ARHGAP27: variants seen among roughly 807,000 people sequenced by gnomAD.
ARHGAP27 encodes Rho GTPase activating protein 27, also known as rho GTPase-activating protein 27.
Under a neutral mutation model 102.0 loss-of-function variants are expected in ARHGAP27, and 53 were observed. That is an observed-to-expected ratio of 0.52 (90% CI 0.42 to 0.65). The LOEUF (loss-of-function observed/expected upper bound fraction) is 0.65, where lower values mean the gene tolerates loss of function less well. Ranked by LOEUF, ARHGAP27 falls within the 30% of genes least tolerant of loss-of-function variation. The pLI, the probability that ARHGAP27 is intolerant of heterozygous loss-of-function variation, is 0.00. For missense variants in ARHGAP27, 1,117 were observed against 1,256.2 expected (o/e 0.89, Z 1.68); for synonymous variants, 525 against 542.8 (o/e 0.97, Z 0.46).
chr17:45,397,658 G>A (rs1230779213), intron 13 of ARHGAP27: 5 of 371,168 alleles, frequency 1.3e-5, no homozygotes, highest in African/African-American at 4.1e-5. Context: ...GCCATTGGTT[G>A]GCTTGCAGAG....
chr17:45,403,746 A>G, intron 10 of ARHGAP27, 37 bp from the exon 11 acceptor site: 3 of 1,575,262 alleles, frequency 1.9e-6, no homozygotes, highest in Non-Finnish European at 2.6e-6. Context: ...GGCAGGACTT[A>G]GATTTGGTCC....
rs1354840238 is a variant in ARHGAP27, at chr17:45,396,717, G to A, written c.2025C>T (p.Leu675=). 1 of 1,613,748 alleles carries A rather than the reference G, an allele frequency of 6.2e-7. No individual in the cohort carries two copies. Among genetic ancestry groups the A allele is most frequent in the African/African-American group, 1.3e-5 (1 of 74,912 alleles). The part of the protein sequence containing the change: ...SKVRHKLRKF[L]QRRPTLQSLR... ...GCGACTGCAGTGTGGGCCGCCTCTG[G>A]AGGAACTTGCGGAGCTTGTGCCGGA... The change falls in exon 15 of 20, where the codon CTC becomes CTT. Residue 675 remains leucine (L), a synonymous_variant. Coordinates refer to ENST00000685559, the MANE Select transcript of ARHGAP27 (RefSeq NM_001282290.2).
chr17:45,396,273 C>T lies in ARHGAP27; in HGVS notation c.2185G>A (p.Asp729Asn), dbSNP rs113604190. The stretch of plus-strand genomic sequence containing the variant: ...TTTCCACTGATGCGGTACAGCCCGT[C>T]GATGTCCAGCCCTGGGCCAGAGGGA... ...RAVEARGLDIDGLYRISGNLA... is the reference protein window; with the variant it reads ...RAVEARGLDINGLYRISGNLA... The change falls in exon 17 of 20, where the codon GAC becomes AAC. Residue 729 changes from aspartate (D) to asparagine (N), a missense_variant. By Grantham distance (23) the Asp-to-Asn change is conservative. Around this residue, in one of 3 missense-constraint regions of ARHGAP27, gnomAD observed 493 missense variants for 505.5 expected, o/e 0.98. Coordinates refer to ENST00000685559, the MANE Select transcript of ARHGAP27 (RefSeq NM_001282290.2). 3 of 1,612,384 alleles carry T rather than the reference C, an allele frequency of 1.9e-6. No homozygotes were observed. Among genetic ancestry groups the T allele is most frequent in the Admixed American group, 1.7e-5 (1 of 59,914 alleles).
chr17:45,403,947 G>A, intron 10 of ARHGAP27, 82 bp downstream of exon 10: 1 of 1,465,108 alleles, frequency 6.8e-7, no homozygotes, highest in South Asian at 1.2e-5. Flanking sequence ...GGATTAATAA[G>A]AGCCTGGCAT....
rs554932341 is a variant in ARHGAP27 at position 45,395,245 on chromosome 17, G to C, written c.*211C>G. 5 of 616,724 alleles carry C rather than the reference G, an allele frequency of 8.1e-6. No individual in the cohort carries two copies. In the Admixed American group the frequency reaches 9.5e-5, roughly 12 times the overall value. 38.2% of individuals were successfully genotyped at this position (616,724 alleles called of 1,614,324 possible). A position where few individuals can be genotyped will look rare whatever the true frequency, so the allele number is the denominator to read the frequency against. On this transcript the variant is annotated 3_prime_UTR_variant, in exon 20 of 20. Transcript: ENST00000685559. ...AAACAGGACGTGACGGGAAGGGAAGGGGGGATGGGGAGTTGGGAAGAAGGA... is the reference window on the plus strand; with the variant it reads ...AAACAGGACGTGACGGGAAGGGAAGCGGGGATGGGGAGTTGGGAAGAAGGA...
chr17:45,403,128 G>GT (rs1476450731), intron 11 of ARHGAP27, among the ~76,000 whole-genome samples: 2 of 152,218 alleles, frequency 1.3e-5, no homozygotes, highest in Non-Finnish European at 2.9e-5. Flanking sequence ...CCTCAAGACT[G>GT]TTCCCCATCT....
At position 45,405,815 on chromosome 17, in the gene ARHGAP27, C is replaced by T; in HGVS notation, c.926G>A (p.Trp309Ter). 5.8e-6 allele frequency: 9 copies of T among 1,539,518 alleles called. No homozygotes were observed. The highest frequency in any genetic ancestry group is 7.8e-6 in the Non-Finnish European group (9 of 1,148,310). ...GAACACCCTGCGGCTCTCCTCATCC[C>T]AGTACTGGCCCCACTCGGTCTCAAG... ...VSLETEWGQY[W>*]DEESRRVFFY... The change falls in exon 5 of 20, where the codon TGG (tryptophan) becomes TAG (stop). Residue 309 changes from tryptophan (W) to a stop codon, truncating the protein, a stop_gained. Transcript: ENST00000685559. LOFTEE classifies it high-confidence loss of function.
chr17:45,416,516 A>G (rs552979489), intron 4 of ARHGAP27, among the ~76,000 whole-genome samples: 83 of 137,040 alleles, frequency 6.1e-4, no homozygotes, highest in Non-Finnish European at 1.1e-3. Flanking sequence ...GCTCCTTGCT[A>G]TTGTTAAATC....
At chr17:45,421,929 G>A (rs748712239) in intron 4 of ARHGAP27, among the ~76,000 whole-genome samples, 12 of 152,164 alleles carry the variant, frequency 7.9e-5, no homozygotes, top group African/African-American at 1.2e-4. Flanking sequence ...ACTTTGGGAG[G>A]GTGAGGCAGG....
chr17:45,404,948 G>A lies in ARHGAP27; in HGVS notation c.1224C>T (p.Tyr408=), dbSNP rs1158418877. Residue 408 remains tyrosine, a synonymous_variant, in exon 6 of 20, where the codon TAC becomes TAT. Transcript: ENST00000685559. ...CHVSQDKQML[Y]TNHFTQEQWV... is the part of the protein sequence containing the mutation. The stretch of plus-strand genomic sequence containing the variant: ...CCTGCTCCTGAGTGAAGTGGTTGGT[G>A]TAGAGCATCTGCTTGTCCTGGCTGA... 6.2e-7 allele frequency: 1 copy of A among 1,614,062 alleles called. No individual in the cohort carries two copies. Among genetic ancestry groups the A allele is most frequent in the African/African-American group, 1.3e-5 (1 of 74,916 alleles).
In ARHGAP27 at chr17:45,429,759, C is replaced by T; in HGVS notation, c.521G>A (p.Ser174Asn). The stretch of plus-strand genomic sequence containing the variant: ...GCTGCAGGCCTTGAAGCTGCCGCTG[C>T]TTCCTAGGAGGCCGGCGGGAGGCGA... ...AVSPPAGLLGSSGSFKACSVA... is the reference protein window; with the variant it reads ...AVSPPAGLLGNSGSFKACSVA... The change falls in exon 4 of 20, where the codon AGC becomes AAC. Residue 174 changes from serine (S) to asparagine (N), a missense_variant. Coordinates refer to ENST00000685559, the MANE Select transcript of ARHGAP27 (RefSeq NM_001282290.2). 1 of 1,534,178 alleles carries T rather than the reference C, an allele frequency of 6.5e-7. No individual in the cohort carries two copies. The highest frequency in any genetic ancestry group is 8.8e-7 in the Non-Finnish European group (1 of 1,141,614).
chr17:45,424,490 C>T (rs1389955673), intron 4 of ARHGAP27, among the ~76,000 whole-genome samples: 2 of 152,186 alleles, frequency 1.3e-5, no homozygotes, highest in African/African-American at 4.8e-5. Context: ...TTCCCATTCC[C>T]CAGGGCCTGG....
At chr17:45,395,906 C>T in intron 18 of ARHGAP27, 57 bp from the exon 19 acceptor site, 3 of 1,570,016 alleles carry the variant, frequency 1.9e-6, no homozygotes, top group Non-Finnish European at 2.6e-6. Context: ...GGGGTATCGG[C>T]TGGGCGAGGG....
At position 45,427,313 on chromosome 17, in the gene ARHGAP27, C is replaced by G. The variant is rs2049716293; in HGVS notation, c.657+2310G>C. Among the ~76,000 whole-genome samples the G allele has an allele frequency of 6.6e-6, 1 of 152,238 alleles. No individual in the cohort carries two copies. The highest frequency in any genetic ancestry group is 2.4e-5 in the African/African-American group (1 of 41,454). On this transcript the variant is annotated intron_variant, in intron 4 of 19. Coordinates refer to ENST00000685559, the MANE Select transcript of ARHGAP27 (RefSeq NM_001282290.2). The surrounding 1 kb of genome is among the most constrained non-coding windows in gnomAD (Gnocchi z 4.5). ...TGGCAAGGGCCCACGAGGCCCTGCC[C>G]GGGTGGGCACCCACTCTCAACCCTA...
In ARHGAP27 at chr17:45,396,533, C is replaced by A; in HGVS notation, c.2127G>T (p.Arg709=). 1 of 1,587,040 alleles carries A rather than the reference C, an allele frequency of 6.3e-7. No homozygotes were observed. Among genetic ancestry groups the A allele is most frequent in the Non-Finnish European group, 8.5e-7 (1 of 1,171,970 alleles). ...LAALCERERS[R]VPRFVQQCIR... is the part of the protein sequence containing the mutation. ...TGCACTGCTGCACGAAGCGTGGCAC[C>A]CGGCTCCTCTCGCGCTCACACAGCG... The change falls in exon 16 of 20, where the codon CGG becomes CGT. Residue 709 remains arginine, a synonymous_variant. Coordinates refer to ENST00000685559, the MANE Select transcript of ARHGAP27 (RefSeq NM_001282290.2).
At chr17:45,405,185 A>AC (rs1447489167) in intron 5 of ARHGAP27, 79 bp from the exon 6 acceptor site, 2 of 1,447,476 alleles carry the variant, frequency 1.4e-6, no homozygotes, top group Non-Finnish European at 1.8e-6. Context: ...GACCAGGCCC[A>AC]CCCCCTTGCC....
chr17:45,402,089 G>A (rs749545486), intron 12 of ARHGAP27, among the ~76,000 whole-genome samples: 2 of 152,180 alleles, frequency 1.3e-5, no homozygotes, highest in Admixed American at 6.5e-5. Context: ...CTTCCTGCGG[G>A]GGTAGCATGG....
intron 4 of ARHGAP27, among the ~76,000 whole-genome samples, chr17:45,411,900 T>TC (rs2047955408): frequency 6.6e-6 from 1 of 152,106 alleles, no homozygotes; most frequent in South Asian, 2.1e-4. Context: ...CTCTGTAAAT[T>TC]CCAGAGAGGC....
chr17:45,410,799 G>A (rs1387959913), intron 4 of ARHGAP27, among the ~76,000 whole-genome samples: 3 of 151,996 alleles, frequency 2.0e-5, no homozygotes, highest in Non-Finnish European at 4.4e-5. Flanking sequence ...TAGGCCCAGG[G>A]AGGGTGTAAT....
Sources: allele counts gnomAD v4.1 joint callset (sites outside exome capture counted in the v4.1 genomes callset), GRCh38; gene constraint gnomAD v4.1.1; regional missense constraint gnomAD v4.1.1; non-coding constraint Gnocchi (gnomAD v3.1); transcripts MANE v1.5; gene names NCBI Gene and HGNC (gene_info 2026-07-23, HGNC 2026-07-21).